Variants in GPC6 observed in about 807,000 individuals in gnomAD.
GPC6 encodes the protein glypican 6.
Under a neutral mutation model 55.2 loss-of-function variants are expected in GPC6, and 14 were observed. The ratio of observed to expected loss-of-function variants is 0.25; its 90% CI spans 0.17 to 0.40. GPC6 has a LOEUF of 0.40. Ranked by LOEUF, GPC6 falls within the 10% of genes least tolerant of loss-of-function variation. The pLI is 1.00. For synonymous variants in GPC6, 278 were observed against 259.6 expected (o/e 1.07, Z -0.68); for missense variants, 641 against 708.5 (o/e 0.90, Z 1.08).
At chr13:93,315,966 G>A (rs17234362) in intron 1 of GPC6, among the ~76,000 whole-genome samples, 1 of 151,998 alleles carries the variant, frequency 6.6e-6, no homozygotes, top group Admixed American at 6.6e-5. Flanking sequence ...GTTCATATAT[G>A]TGCTGTCTTT....
intron 3 of GPC6, among the ~76,000 whole-genome samples, chr13:93,852,205 T>C (rs973361917): frequency 1.3e-5 from 2 of 151,790 alleles, no homozygotes; most frequent in Admixed American, 6.6e-5. Flanking sequence ...TGCTAGGCAT[T>C]GGCAAACAAA....
rs543972203 is a variant in GPC6 at position 93,334,287 on chromosome 13, T to C, written c.160+106671T>C. 1.1e-4 allele frequency among the ~76,000 whole-genome samples: 16 copies of C among 152,310 alleles called. No individual in the cohort carries two copies. The South Asian group carries it at 2.7e-3, about 26-fold the overall frequency. ...TTACTATAGTTCTGTATAAAAATCT[T>C]ACCTTGTTCTTCTTCTGGAGTGTCC... On this transcript the variant is annotated intron_variant, in intron 1 of 8. Coordinates refer to ENST00000377047, the MANE Select transcript of GPC6 (RefSeq NM_005708.5).
At chr13:94,003,322 T>C (rs1881886050) in intron 3 of GPC6, among the ~76,000 whole-genome samples, 1 of 152,166 alleles carries the variant, frequency 6.6e-6, no homozygotes, top group Middle Eastern at 3.2e-3. Flanking sequence ...TTAAAAAAGT[T>C]TGAACCTTGT....
At chr13:93,417,665 G>A (rs1161257697) in intron 1 of GPC6, among the ~76,000 whole-genome samples, 1 of 152,038 alleles carries the variant, frequency 6.6e-6, no homozygotes, top group African/African-American at 2.4e-5. Context: ...AAGAGAGAAA[G>A]CGTGGCCAAG....
Position 94,027,715 on chromosome 13 carries a change from C to G in GPC6, c.712-14C>G, listed in dbSNP as rs778083482. The G allele has an allele frequency of 3.1e-5, 50 of 1,612,348 alleles. No individual in the cohort carries two copies. The highest frequency in any genetic ancestry group is 4.2e-5 in the Non-Finnish European group (50 of 1,178,590). On this transcript the variant is annotated splice_polypyrimidine_tract_variant and intron_variant, in intron 3 of 8. Coordinates refer to ENST00000377047, the MANE Select transcript of GPC6 (RefSeq NM_005708.5). ...TTATTTTTGATTTTCTTTTTCTTTG[C>G]AATAAATCTGCAGGTCAGCCCAACC...
At chr13:94,181,452 A>C in intron 4 of GPC6, among the ~76,000 whole-genome samples, 1 of 152,200 alleles carries the variant, frequency 6.6e-6, no homozygotes, top group East Asian at 1.9e-4. Context: ...AATATTTCTT[A>C]TTAATTTGTG....
At chr13:94,207,479 C>G (rs1889938730) in intron 4 of GPC6, among the ~76,000 whole-genome samples, 1 of 152,072 alleles carries the variant, frequency 6.6e-6, no homozygotes, top group Non-Finnish European at 1.5e-5. Flanking sequence ...GTAAATGATT[C>G]CAACTTATAT....
At chr13:93,404,314 AC>A (rs1233974212) in intron 1 of GPC6, among the ~76,000 whole-genome samples, 1 of 152,138 alleles carries the variant, frequency 6.6e-6, no homozygotes, top group Non-Finnish European at 1.5e-5. Context: ...ATCAAGGAGA[AC>A]CTATAATTAA....
chr13:94,210,957 G>A (rs1477285889), intron 4 of GPC6, among the ~76,000 whole-genome samples: 2 of 152,076 alleles, frequency 1.3e-5, no homozygotes, highest in Non-Finnish European at 2.9e-5. Flanking sequence ...AGAAACCGTC[G>A]CAGTTAATTT....
intron 4 of GPC6, among the ~76,000 whole-genome samples, chr13:94,167,626 A>G (rs1888411995): frequency 2.0e-5 from 3 of 152,146 alleles, no homozygotes; most frequent in African/African-American, 7.2e-5. Context: ...AATTTTCTAG[A>G]CAAACAAATG....
At chr13:93,252,654 G>T (rs1215634002) in intron 1 of GPC6, among the ~76,000 whole-genome samples, 1 of 152,178 alleles carries the variant, frequency 6.6e-6, no homozygotes, top group Non-Finnish European at 1.5e-5. Flanking sequence ...CATTTAAAAT[G>T]AGGGACTTAG....
chr13:93,837,163 C>G (rs984940584), intron 3 of GPC6, among the ~76,000 whole-genome samples: 2 of 152,072 alleles, frequency 1.3e-5, no homozygotes, highest in African/African-American at 4.8e-5. Context: ...TAATCTTGTT[C>G]TTTTGTAGCT....
At chr13:93,538,157 G>T (rs1419774637) in intron 1 of GPC6, among the ~76,000 whole-genome samples, 1 of 152,048 alleles carries the variant, frequency 6.6e-6, no homozygotes, top group Admixed American at 6.6e-5. Flanking sequence ...AAAAAATGTA[G>T]TGGCCATGTT....
At chr13:93,984,293 G>T (rs1880928530) in intron 3 of GPC6, among the ~76,000 whole-genome samples, 1 of 151,996 alleles carries the variant, frequency 6.6e-6, no homozygotes, top group South Asian at 2.1e-4. Flanking sequence ...ACATTATTCT[G>T]GGCATTGTTT....
chr13:93,393,327 A>G (rs1464871349), intron 1 of GPC6, among the ~76,000 whole-genome samples: 3 of 151,646 alleles, frequency 2.0e-5, no homozygotes, highest in Non-Finnish European at 1.5e-5. Flanking sequence ...TTTAGTAGAG[A>G]TGGAATTTCA....
At chr13:93,318,983 T>C (rs1879337113) in intron 1 of GPC6, among the ~76,000 whole-genome samples, 1 of 152,124 alleles carries the variant, frequency 6.6e-6, no homozygotes, top group Admixed American at 6.6e-5. Flanking sequence ...AGAGGTTGCA[T>C]ACATTGGAAC....
intron 3 of GPC6, among the ~76,000 whole-genome samples, chr13:94,007,314 G>A (rs1882061802): frequency 6.6e-6 from 1 of 152,214 alleles, no homozygotes; most frequent in Admixed American, 6.5e-5. Flanking sequence ...GGCACTGTTT[G>A]AAAGCACTAG....
intron 2 of GPC6, among the ~76,000 whole-genome samples, chr13:93,616,354 G>A (rs529849756): frequency 1.3e-4 from 20 of 152,194 alleles, no homozygotes; most frequent in African/African-American, 4.6e-4. Context: ...GAAATTCACA[G>A]TCTTTACCAT....
intron 3 of GPC6, among the ~76,000 whole-genome samples, chr13:93,981,831 C>A (rs1880817526): frequency 6.6e-6 from 1 of 152,190 alleles, no homozygotes; most frequent in Non-Finnish European, 1.5e-5. Flanking sequence ...AGAGATTTAG[C>A]TACCATTTAG....
Sources: gnomAD v4.1 joint callset for allele counts (sites outside exome capture counted in the v4.1 genomes callset) on GRCh38, gnomAD v4.1.1 for gene constraint, MANE v1.5 for transcripts, NCBI Gene and HGNC (gene_info 2026-07-23, HGNC 2026-07-21) for gene names.